MARCHF1: variants seen among roughly 807,000 people sequenced by gnomAD.
The protein encoded by MARCHF1 is membrane associated ring-CH-type finger 1, also known as E3 ubiquitin-protein ligase MARCHF1.
In MARCHF1, 40 loss-of-function variants were observed where a neutral mutation model predicts 54.2. The observed-to-expected ratio is 0.74, with a 90% CI of 0.57 to 0.96. The LOEUF (loss-of-function observed/expected upper bound fraction) is 0.96. MARCHF1 is among the 40% of genes least tolerant of loss of function. The probability of loss-of-function intolerance (pLI) is 0.00; values close to 1 mark genes in which losing one functional copy is unlikely to be tolerated. For missense variants in MARCHF1, 586 were observed against 656.5 expected (o/e 0.89, Z 1.17); for synonymous variants, 236 against 236.3 (o/e 1.00, Z 0.01).
chr4:163,553,621 T>C (rs1739188579), intron 8 of MARCHF1, among the ~76,000 whole-genome samples: 1 of 152,156 alleles, frequency 6.6e-6, no homozygotes, highest in Non-Finnish European at 1.5e-5. Flanking sequence ...GCAAATATCA[T>C]TATAGGTTTT....
At chr4:164,001,527 G>A (rs1753186753) in intron 2 of MARCHF1, among the ~76,000 whole-genome samples, 1 of 151,726 alleles carries the variant, frequency 6.6e-6, no homozygotes, top group Non-Finnish European at 1.5e-5. Context: ...TATAAAACTA[G>A]ACAAAATATA....
At position 164,091,220 on chromosome 4, in the gene MARCHF1, A is replaced by C. The variant is rs369565837; in HGVS notation, c.-248+20368T>G. 4.1e-4 allele frequency among the ~76,000 whole-genome samples: 63 copies of C among 152,136 alleles called. 2 individuals are homozygous for C. In the East Asian group the frequency reaches 5.4e-3, roughly 13 times the overall value. Reference sequence around the variant, plus strand: ...TTAAAAATTAAAAAATAAAATACAGAAAGTGTTGAATGATATCTTCTTGAT... The same window carrying C: ...TTAAAAATTAAAAAATAAAATACAGCAAGTGTTGAATGATATCTTCTTGAT... On this transcript the variant is annotated intron_variant, in intron 2 of 9. Transcript: ENST00000514618.
intron 8 of MARCHF1, among the ~76,000 whole-genome samples, chr4:163,576,295 A>G (rs1454348538): frequency 6.6e-6 from 1 of 151,978 alleles, no homozygotes; most frequent in Non-Finnish European, 1.5e-5. Context: ...GTAATTGTTT[A>G]CTCAAAAGTC....
At chr4:163,983,279 C>A (rs1752797405) in intron 3 of MARCHF1, among the ~76,000 whole-genome samples, 1 of 151,996 alleles carries the variant, frequency 6.6e-6, no homozygotes, top group African/African-American at 2.4e-5. Context: ...CTCAAAGAGA[C>A]AAACTTGAAA....
intron 2 of MARCHF1, among the ~76,000 whole-genome samples, chr4:164,034,279 G>A (rs1259373801): frequency 2.0e-5 from 3 of 152,070 alleles, no homozygotes; most frequent in Admixed American, 2.0e-4. Flanking sequence ...GAAGTTGAAT[G>A]ATGAAAACAC....
chr4:163,775,194 C>T (rs1747270849), intron 4 of MARCHF1, among the ~76,000 whole-genome samples: 1 of 152,154 alleles, frequency 6.6e-6, no homozygotes, highest in African/African-American at 2.4e-5. Context: ...CATTGCTGTT[C>T]TCTTCTTACT....
At chr4:164,176,207 T>A (rs1190035963) in intron 1 of MARCHF1, among the ~76,000 whole-genome samples, 2 of 152,190 alleles carry the variant, frequency 1.3e-5, no homozygotes. Context: ...CAAGCCTGAC[T>A]AAATACAGTC....
intron 4 of MARCHF1, among the ~76,000 whole-genome samples, chr4:163,705,350 A>T (rs1744919598): frequency 1.3e-5 from 2 of 151,898 alleles, no homozygotes; most frequent in South Asian, 4.1e-4. Flanking sequence ...AGTAGGAAAA[A>T]AAAAGGAAAA....
intron 3 of MARCHF1, among the ~76,000 whole-genome samples, chr4:163,883,181 T>C (rs533841386): frequency 6.6e-6 from 1 of 151,738 alleles, no homozygotes; most frequent in East Asian, 1.9e-4. Flanking sequence ...GGAAATAAAC[T>C]AATACAACAA....
chr4:164,031,726 G>T (rs924782566), intron 2 of MARCHF1, among the ~76,000 whole-genome samples: 3 of 152,064 alleles, frequency 2.0e-5, no homozygotes, highest in Non-Finnish European at 4.4e-5. Context: ...TGCTGGATTT[G>T]GTTTGCCAGT....
At chr4:163,815,191 C>T (rs1266316137) in intron 4 of MARCHF1, among the ~76,000 whole-genome samples, 11 of 152,156 alleles carry the variant, frequency 7.2e-5, no homozygotes, top group Admixed American at 6.5e-4. Flanking sequence ...CATGTCCTCA[C>T]AATGACTTTT....
At chr4:163,968,781 A>G (rs1385155977) in intron 3 of MARCHF1, among the ~76,000 whole-genome samples, 2 of 152,082 alleles carry the variant, frequency 1.3e-5, no homozygotes, top group African/African-American at 2.4e-5. Flanking sequence ...CCCTCATCCA[A>G]CAAACAGCTC....
At chr4:164,071,825 G>A (rs1353556685) in intron 2 of MARCHF1, among the ~76,000 whole-genome samples, 1 of 152,056 alleles carries the variant, frequency 6.6e-6, no homozygotes, top group Non-Finnish European at 1.5e-5. Context: ...ATATATGTAA[G>A]TATACACTTA....
intron 3 of MARCHF1, among the ~76,000 whole-genome samples, chr4:163,962,814 A>C (rs1238827674): frequency 1.3e-5 from 2 of 151,912 alleles, no homozygotes. Flanking sequence ...AAGCTTTTTA[A>C]AGCGATTTTT....
At chr4:163,890,156 G>C (rs1750629410) in intron 3 of MARCHF1, among the ~76,000 whole-genome samples, 1 of 149,544 alleles carries the variant, frequency 6.7e-6, no homozygotes, top group African/African-American at 2.5e-5. Flanking sequence ...GGATGGTCTC[G>C]ATCTCCTGAC....
chr4:163,637,007 A>G (rs958528814), intron 5 of MARCHF1, among the ~76,000 whole-genome samples: 14 of 151,946 alleles, frequency 9.2e-5, no homozygotes, highest in African/African-American at 2.9e-4. Flanking sequence ...AGGATTCCCT[A>G]TTTAATCAAT....
intron 4 of MARCHF1, among the ~76,000 whole-genome samples, chr4:163,716,919 A>G (rs1745277064): frequency 6.6e-6 from 1 of 152,188 alleles, no homozygotes; most frequent in South Asian, 2.1e-4. Flanking sequence ...AATACATATT[A>G]ATTTTTTATT....
rs1362717649 is a variant in MARCHF1, at chr4:163,528,641, G to T, written c.*107C>A. ...AGTCAGGAAAAATGTGTCAGTAGGA[G>T]AAAGGAGGAGCTGAAGGGAGTAAAT... On this transcript the variant is annotated 3_prime_UTR_variant, in exon 10 of 10. Coordinates refer to ENST00000514618, the MANE Select transcript of MARCHF1 (RefSeq NM_001394959.1). The T allele has an allele frequency of 2.4e-5, 28 of 1,169,862 alleles. No individual in the cohort carries two copies. In the Admixed American group the frequency reaches 6.2e-4, roughly 26 times the overall value. 72.5% of individuals were successfully genotyped at this position (1,169,862 alleles called of 1,614,324 possible).
intron 5 of MARCHF1, among the ~76,000 whole-genome samples, chr4:163,624,514 A>T (rs1481824795): frequency 6.6e-6 from 1 of 152,088 alleles, no homozygotes; most frequent in African/African-American, 2.4e-5. Flanking sequence ...TCCCAAATAA[A>T]CTACTTGTAA....
Sources: gnomAD v4.1 joint callset for allele counts (sites outside exome capture counted in the v4.1 genomes callset) on GRCh38, gnomAD v4.1.1 for gene constraint, MANE v1.5 for transcripts, NCBI Gene and HGNC (gene_info 2026-07-23, HGNC 2026-07-21) for gene names.